CHD8: variants seen among roughly 807,000 people sequenced by gnomAD.
CHD8 encodes chromodomain helicase DNA binding protein 8.
CHD8 carries 31 observed loss-of-function variants against 279.2 expected under a neutral mutation model. The ratio of observed to expected loss-of-function variants is 0.11; its 90% CI spans 0.08 to 0.15. The LOEUF is 0.15. Ranked by LOEUF, CHD8 falls within the 10% of genes least tolerant of loss-of-function variation. The pLI is 1.00. For synonymous variants in CHD8, 1,081 were observed against 1,139.6 expected, an observed-to-expected ratio of 0.95 and a Z score of 1.04; for missense variants, 2,146 against 3,230.5, an observed-to-expected ratio of 0.66 and a Z score of 8.14.
chr14:21,414,815 A>T, intron 8 of CHD8, 123 bp downstream of exon 8: 1 of 726,940 alleles, frequency 1.4e-6, no homozygotes, highest in Non-Finnish European at 2.4e-6. Context: ...TTTCCCCATT[A>T]AAAACAGCAA....
rs553367989 is a variant in CHD8 at position 21,428,145 on chromosome 14, C to T, written c.1325G>A (p.Gly442Glu). Residue 442 changes from glycine (G) to glutamate (E), a missense_variant, in exon 4 of 38, where the codon GGA (glycine) becomes GAA (glutamate). By Grantham distance (98) the Gly-to-Glu change is moderately conservative. Transcript: ENST00000646647. Reference sequence around the variant, plus strand: ...GCGGTTTTCCTCCATTCCTGTCTTTCCCCCCGAATGAGGAGCAGAGCTTGC... The same window carrying T: ...GCGGTTTTCCTCCATTCCTGTCTTTTCCCCCGAATGAGGAGCAGAGCTTGC... Reference protein sequence around the residue: ...SPASSAPHSGGKTGMEENRRL... With the variant: ...SPASSAPHSGEKTGMEENRRL... 357 of 1,613,962 alleles carry T rather than the reference C, an allele frequency of 2.2e-4. 2 individuals carry two copies. The Middle Eastern group carries it at 9.1e-3, about 41-fold the overall frequency.
intron 5 of CHD8, chr14:21,416,242 A>C (rs1888717585): frequency 4.9e-6 from 1 of 203,564 alleles, no homozygotes; most frequent in South Asian, 1.8e-4. Context: ...GCAAAAATGC[A>C]AGAAGATTTT....
At chr14:21,428,917 T>A in intron 3 of CHD8, 47 bp downstream of exon 3, 1 of 1,596,548 alleles carries the variant, frequency 6.3e-7, no homozygotes, top group Non-Finnish European at 8.6e-7. Flanking sequence ...AGCAATGGAC[T>A]AAGTATTTTT....
At chr14:21,440,342 G>C (rs1889924773) in intron 1 of CHD8, among the ~76,000 whole-genome samples, 1 of 152,020 alleles carries the variant, frequency 6.6e-6, no homozygotes, top group African/African-American at 2.4e-5. Flanking sequence ...GGGTAGCTGG[G>C]ATTACAGGCG....
At chr14:21,446,175 C>A (rs567062837) in intron 1 of CHD8, among the ~76,000 whole-genome samples, 5 of 152,114 alleles carry the variant, frequency 3.3e-5, no homozygotes, top group South Asian at 2.1e-4. Context: ...CTGGGTAACA[C>A]AGCGAGATTC....
At chr14:21,447,111 G>A (rs1186863339) in intron 1 of CHD8, among the ~76,000 whole-genome samples, 1 of 152,204 alleles carries the variant, frequency 6.6e-6, no homozygotes, top group African/African-American at 2.4e-5. Context: ...CAAAAGGACA[G>A]TAGCACAGTT....
At chr14:21,424,181 C>T (rs967637670) in intron 5 of CHD8, among the ~76,000 whole-genome samples, 2 of 152,140 alleles carry the variant, frequency 1.3e-5, no homozygotes, top group Non-Finnish European at 2.9e-5. Flanking sequence ...ACCTTCAATT[C>T]GGTTGGGATT....
chr14:21,427,951 C>T lies in CHD8; in HGVS notation c.1519G>A (p.Ala507Thr). Residue 507 changes from alanine (A) to threonine (T), a missense_variant, in exon 4 of 38, where the codon GCT becomes ACT. By Grantham distance (58) the Ala-to-Thr change is moderately conservative. This residue lies in a region of CHD8 where 123 missense variants were observed against 169.2 expected (regional missense o/e 0.73). Coordinates refer to ENST00000646647, the MANE Select transcript of CHD8 (RefSeq NM_001170629.2). Reference protein sequence around the residue: ...EGEKKRRKKSAGERLKEEKPK... With the variant: ...EGEKKRRKKSTGERLKEEKPK... ...TTCTCCTCTTTCAGCCTCTCCCCAG[C>T]ACTCTTCTTCCTGCGTTTCTTCTCG... The T allele has an allele frequency of 6.2e-7, 1 of 1,614,080 alleles. No individual in the cohort carries two copies. Among genetic ancestry groups the T allele is most frequent in the Non-Finnish European group, 8.5e-7 (1 of 1,179,900 alleles).
chr14:21,424,787 G>C (rs938641203), intron 5 of CHD8, among the ~76,000 whole-genome samples: 1 of 152,008 alleles, frequency 6.6e-6, no homozygotes. Flanking sequence ...TTCTTACACA[G>C]TAATTTCCCC....
chr14:21,420,778 T>C (rs1039888023), intron 5 of CHD8, among the ~76,000 whole-genome samples: 2 of 152,188 alleles, frequency 1.3e-5, no homozygotes, highest in African/African-American at 4.8e-5. Flanking sequence ...TTTTTTTTTT[T>C]TGAAACGGAG....
rs773426392 is a variant in CHD8 at position 21,408,840 on chromosome 14, G to A, written c.2365-15C>T. 14 of 1,599,644 alleles carry A rather than the reference G, an allele frequency of 8.8e-6. No homozygotes were observed. The highest frequency in any genetic ancestry group is 4.5e-5 in the South Asian group (4 of 88,646). ...TGCGGACGATTCTAAAAAACAAGAC[G>A]TTTGAATAAATGGAGTGGAGACATT... On this transcript the variant is annotated splice_polypyrimidine_tract_variant and intron_variant, in intron 11 of 37. Coordinates refer to ENST00000646647, the MANE Select transcript of CHD8 (RefSeq NM_001170629.2). The surrounding 1 kb of genome is among the most constrained non-coding windows in gnomAD (Gnocchi z 4.3).
intron 20 of CHD8, 75 bp from the exon 21 acceptor site, chr14:21,401,588 A>T: frequency 1.0e-6 from 1 of 983,730 alleles, no homozygotes; most frequent in Non-Finnish European, 1.5e-6. Flanking sequence ...TATGTTTTAA[A>T]AACATTTTTT....
intron 1 of CHD8, among the ~76,000 whole-genome samples, chr14:21,448,620 A>C (rs1890181898): frequency 6.6e-6 from 1 of 151,944 alleles, no homozygotes; most frequent in Non-Finnish European, 1.5e-5. Context: ...GCAGTGGCTC[A>C]ATCTCAGCTC....
intron 5 of CHD8, chr14:21,416,247 G>T (rs8016474): frequency 0.062 from 12,104 of 196,156 alleles, 864 homozygotes; most frequent in African/African-American, 0.19. Flanking sequence ...AATGCAAGAA[G>T]ATTTTGTTTC....
In CHD8 at chr14:21,441,662, GCA is replaced by G. The variant is rs1491289635; in HGVS notation, c.-215-9806_-215-9805del. Among the ~76,000 whole-genome samples the G allele has an allele frequency of 1.6e-4, 24 of 152,062 alleles. No individual in the cohort carries two copies. The South Asian group carries it at 2.3e-3, about 14-fold the overall frequency. On this transcript the variant is annotated intron_variant, in intron 1 of 37. Transcript: ENST00000646647. The stretch of plus-strand genomic sequence containing the variant: ...CCAGCACTTTGGGAGGCCAAGGCGG[GCA>G]TATCACGAGGTCAGGAGATGGAGAC...
At chr14:21,399,515 T>TC in intron 26 of CHD8, 87 bp downstream of exon 26, 1 of 897,912 alleles carries the variant, frequency 1.1e-6, no homozygotes, top group African/African-American at 1.6e-5. Flanking sequence ...GATAACTGAG[T>TC]TATTTCTCAG....
In CHD8 at chr14:21,399,613, A is replaced by G; in HGVS notation, c.4910T>C (p.Val1637Ala). 1 of 1,612,020 alleles carries G rather than the reference A, an allele frequency of 6.2e-7. No homozygotes were observed. ...SEADKSLLIG[V>A]FKHGYEKYNT... ...GAGAAGATACGTACCATGTTTAAAG[A>G]CTCCAATGAGCAGCGACTTGTCAGC... The change falls in exon 26 of 38, where the codon GTC becomes GCC. Residue 1637 changes from valine to alanine, a missense_variant. Physicochemically the swap from Val to Ala is moderately conservative, Grantham distance 64. Around this residue, in one of 26 missense-constraint regions of CHD8, gnomAD observed 13 missense variants for 48.7 expected, o/e 0.27. Transcript: ENST00000646647.
chr14:21,453,578 C>A (rs1054918120), intron 1 of CHD8, among the ~76,000 whole-genome samples: 1 of 151,800 alleles, frequency 6.6e-6, no homozygotes, highest in Non-Finnish European at 1.5e-5. Context: ...ACAGGTCATG[C>A]GAAGACCTGC....
In CHD8 at chr14:21,431,234, C is replaced by A. The variant is rs752288417; in HGVS notation, c.410G>T (p.Gly137Val). 4.3e-5 allele frequency: 69 copies of A among 1,598,522 alleles called. No individual in the cohort carries two copies. The highest frequency in any genetic ancestry group is 5.8e-5 in the Non-Finnish European group (68 of 1,179,444). The change falls in exon 2 of 38, where the codon GGT (glycine) becomes GTT (valine). Residue 137 changes from glycine (G) to valine (V), a missense_variant. Gly to Val is a moderately radical substitution (Grantham distance 109, BLOSUM62 -3). Around this residue, in one of 26 missense-constraint regions of CHD8, gnomAD observed 302 missense variants for 325.5 expected, o/e 0.93. Transcript: ENST00000646647. ...GGAGGAGACAGCTGTGGCAGAGACA[C>A]CCATGAAAGGATTCCCTTGGCTCAG... ...EILSQGNPFM[G>V]VSATAVSSSS...
Sources: gnomAD v4.1 joint callset for allele counts (sites outside exome capture counted in the v4.1 genomes callset) on GRCh38, gnomAD v4.1.1 for gene constraint, gnomAD v4.1.1 regional missense constraint, Gnocchi (gnomAD v3.1) non-coding constraint, MANE v1.5 for transcripts, NCBI Gene and HGNC (gene_info 2026-07-23, HGNC 2026-07-21) for gene names.